ECSIT: variants seen among roughly 807,000 people sequenced by gnomAD.
ECSIT encodes ECSIT signaling integrator.
A neutral mutation model predicts 36.8 loss-of-function variants in ECSIT; 29 were observed. The observed-to-expected ratio is 0.79, with a 90% confidence interval of 0.59 to 1.08. The LOEUF (loss-of-function observed/expected upper bound fraction) is 1.08, where lower values mean the gene tolerates loss of function less well. ECSIT is among the 50% of genes least tolerant of loss of function. The probability of loss-of-function intolerance (pLI) is 0.00; values close to 1 mark genes in which losing one functional copy is unlikely to be tolerated. For synonymous variants in ECSIT, 231 were observed against 234.8 expected, an observed-to-expected ratio of 0.98 and a Z score of 0.15; for missense variants, 542 against 581.0, an observed-to-expected ratio of 0.93 and a Z score of 0.69.
intron 2 of ECSIT, among the ~76,000 whole-genome samples, chr19:11,518,812 T>C (rs561781507): frequency 6.6e-6 from 1 of 152,084 alleles, no homozygotes; most frequent in Admixed American, 6.6e-5. Context: ...GGCGGGAGGA[T>C]TGCTTGAACC....
In ECSIT at chr19:11,506,039, T is replaced by TG. The variant is rs1430646675; in HGVS notation, c.*144dup. The TG allele has an allele frequency of 7.3e-7, 1 of 1,363,394 alleles. No homozygotes were observed. Among genetic ancestry groups the TG allele is most frequent in the African/African-American group, 1.4e-5 (1 of 69,130 alleles). 84.5% of individuals were successfully genotyped at this position (1,363,394 alleles called of 1,614,324 possible). A position where few individuals can be genotyped will look rare whatever the true frequency, so the allele number is the denominator to read the frequency against. ...GCCCATCGCTGGCAGCCCGAGATCC[T>TG]GGGGAGGGGATGCCATACTGCTAGA... On this transcript the variant is annotated 3_prime_UTR_variant, in exon 8 of 8. Transcript: ENST00000270517.
At position 11,514,233 on chromosome 19, in the gene ECSIT, G is replaced by C. The variant is rs772582066; in HGVS notation, c.97-12C>G. 10 of 1,591,416 alleles carry C rather than the reference G, an allele frequency of 6.3e-6. No homozygotes were observed. The highest frequency in any genetic ancestry group is 8.5e-6 in the Non-Finnish European group (10 of 1,170,114). ...AGCCGGCGAGGGACCTGGGGAGGGA[G>C]GAGAACTGCTGGAATCTGGCACCTC... On this transcript the variant is annotated splice_polypyrimidine_tract_variant and intron_variant, in intron 2 of 7. Transcript: ENST00000270517.
At chr19:11,516,944 G>A (rs1972011321) in intron 2 of ECSIT, among the ~76,000 whole-genome samples, 1 of 152,076 alleles carries the variant, frequency 6.6e-6, no homozygotes, top group Non-Finnish European at 1.5e-5. Context: ...AATTGAGACT[G>A]GCGGGTCGAG....
chr19:11,508,383 A>ATTTTTT lies in ECSIT; in HGVS notation c.739-341_739-336dup, dbSNP rs34929827. On this transcript the variant is annotated intron_variant, in intron 4 of 7. Coordinates refer to ENST00000270517, the MANE Select transcript of ECSIT (RefSeq NM_016581.5). ...GGGATGATAACAGCACTTAATTCCG[A>ATTTTTT]TTTTTTTTTTTTTTTTAGGGATGGG... Among the ~76,000 whole-genome samples, 24 of 124,050 alleles carry ATTTTTT rather than the reference A, an allele frequency of 1.9e-4. 1 individual carries two copies. The highest frequency in any genetic ancestry group is 7.2e-4 in the African/African-American group (20 of 27,650). The allele number at this position is 124,050 out of a possible 152,430, so 81.4% of individuals were successfully genotyped here. A position where few individuals can be genotyped will look rare whatever the true frequency, so the allele number is the denominator to read the frequency against.
At chr19:11,515,127 A>G (rs182475930) in intron 2 of ECSIT, among the ~76,000 whole-genome samples, 4,418 of 139,972 alleles carry the variant, frequency 0.032, 232 homozygotes, top group African/African-American at 0.12. Context: ...TTTTTGAGAC[A>G]GAGTCTCGCT....
intron 4 of ECSIT, among the ~76,000 whole-genome samples, chr19:11,509,939 G>A (rs1217265064): frequency 2.7e-5 from 4 of 150,714 alleles, no homozygotes; most frequent in East Asian, 2.0e-4. Flanking sequence ...GCGCGATCTC[G>A]GCTCACTGCA....
chr19:11,526,558 C>G (rs1463697566), intron 1 of ECSIT, among the ~76,000 whole-genome samples: 1 of 152,114 alleles, frequency 6.6e-6, no homozygotes, highest in Admixed American at 6.6e-5. Context: ...CTCTCCTATT[C>G]AATCCATCAA....
Position 11,513,283 on chromosome 19 carries a change from T to C in ECSIT, c.515-4A>G. Reference sequence around the variant, plus strand: ...GTCTCCTTGTTGGGCATCACACCTGTGCTGGGCAGATGCAGGCAGAACCTC... The same window carrying C: ...GTCTCCTTGTTGGGCATCACACCTGCGCTGGGCAGATGCAGGCAGAACCTC... On this transcript the variant is annotated splice_polypyrimidine_tract_variant and splice_region_variant and intron_variant, in intron 3 of 7. Transcript: ENST00000270517. The C allele has an allele frequency of 6.2e-7, 1 of 1,613,394 alleles. No individual in the cohort carries two copies. Among genetic ancestry groups the C allele is most frequent in the Non-Finnish European group, 8.5e-7 (1 of 1,179,714 alleles).
At chr19:11,522,557 A>T in intron 1 of ECSIT, 1 of 672,832 alleles carries the variant, frequency 1.5e-6, no homozygotes, top group Non-Finnish European at 2.6e-6. Context: ...CGGTAAAAAA[A>T]AAAAAAATTA....
intron 1 of ECSIT, among the ~76,000 whole-genome samples, chr19:11,526,769 G>A (rs1305552752): frequency 6.7e-6 from 1 of 149,386 alleles, no homozygotes; most frequent in Non-Finnish European, 1.5e-5. Flanking sequence ...CCCCAGGCTG[G>A]AGTGCAATGG....
At chr19:11,516,917 G>A (rs1160715617) in intron 2 of ECSIT, among the ~76,000 whole-genome samples, 1 of 152,120 alleles carries the variant, frequency 6.6e-6, no homozygotes, top group East Asian at 1.9e-4. Flanking sequence ...TACTCAGGAG[G>A]CTGAAGTAGG....
Position 11,513,185 on chromosome 19 carries a change from C to G in ECSIT, c.609G>C (p.Trp203Cys), listed in dbSNP as rs1177709716. 6.2e-7 allele frequency: 1 copy of G among 1,614,166 alleles called. No individual in the cohort carries two copies. The highest frequency in any genetic ancestry group is 2.2e-5 in the East Asian group (1 of 44,866). The change falls in exon 4 of 8, where the codon TGG (tryptophan) becomes TGC (cysteine). Residue 203 changes from tryptophan to cysteine, a missense_variant. Coordinates refer to ENST00000270517, the MANE Select transcript of ECSIT (RefSeq NM_016581.5). ...PMLKLVRLKL[W>C]FPRFMNVNPF... Reference sequence around the variant, plus strand: ...GGTTGACGTTCATGAATCGAGGGAACCACAGCTTCAGGCGCACCAACTTGA... The same window carrying G: ...GGTTGACGTTCATGAATCGAGGGAAGCACAGCTTCAGGCGCACCAACTTGA...
chr19:11,509,360 A>T, intron 4 of ECSIT, among the ~76,000 whole-genome samples: 1 of 148,662 alleles, frequency 6.7e-6, no homozygotes, highest in Non-Finnish European at 1.5e-5. Flanking sequence ...GGCATAAGCC[A>T]CTGCGCCCCG....
At chr19:11,509,753 G>A (rs1470781849) in intron 4 of ECSIT, among the ~76,000 whole-genome samples, 1 of 151,878 alleles carries the variant, frequency 6.6e-6, no homozygotes, top group African/African-American at 2.4e-5. Flanking sequence ...GGGCGACAGA[G>A]CAAGGCTCTG....
intron 3 of ECSIT, 93 bp from the exon 4 acceptor site, chr19:11,513,372 T>G: frequency 9.9e-7 from 1 of 1,005,132 alleles, no homozygotes; most frequent in Non-Finnish European, 1.6e-6. Context: ...AGGGAATTGA[T>G]CACAGACAGG....
At chr19:11,509,879 T>G (rs1374140940) in intron 4 of ECSIT, among the ~76,000 whole-genome samples, 2 of 152,040 alleles carry the variant, frequency 1.3e-5, no homozygotes, top group African/African-American at 4.8e-5. Flanking sequence ...AGAAACTTTT[T>G]TTTTTTTGAG....
rs553489059 is a variant in ECSIT, at chr19:11,515,069, C to A, written c.97-848G>T. 5.3e-5 allele frequency among the ~76,000 whole-genome samples: 8 copies of A among 150,682 alleles called. No homozygotes were observed. The East Asian group carries it at 7.8e-4, about 15-fold the overall frequency. On this transcript the variant is annotated intron_variant, in intron 2 of 7. Coordinates refer to ENST00000270517, the MANE Select transcript of ECSIT (RefSeq NM_016581.5). ...GGCCAGGCTGGTCTCAAACTCCAGG[C>A]CTCAAGTGATCCACCTGCCTCAGCC...
intron 4 of ECSIT, among the ~76,000 whole-genome samples, chr19:11,509,014 C>G (rs571941256): frequency 6.6e-6 from 1 of 152,156 alleles, no homozygotes; most frequent in South Asian, 2.1e-4. Flanking sequence ...GGAAGGAATA[C>G]CTTTTTTATC....
rs187753427 is a variant in ECSIT at position 11,523,372 on chromosome 19, C to T, written c.-23-4179G>A. The T allele has an allele frequency of 3.6e-3, 1,622 of 450,202 alleles. 7 individuals carry two copies. Among genetic ancestry groups the T allele is most frequent in the Admixed American group, 7.9e-3 (230 of 29,060 alleles). 27.9% of individuals were successfully genotyped at this position (450,202 alleles called of 1,614,324 possible). A position where few individuals can be genotyped will look rare whatever the true frequency, so the allele number is the denominator to read the frequency against. Reference sequence around the variant, plus strand: ...TTAATCACCCTTTCCCTGCCACTGCCGAGTTGCGCGGAGGCGGAGGCTTGG... The same window carrying T: ...TTAATCACCCTTTCCCTGCCACTGCTGAGTTGCGCGGAGGCGGAGGCTTGG... On this transcript the variant is annotated intron_variant, in intron 1 of 7. Coordinates refer to ENST00000270517, the MANE Select transcript of ECSIT (RefSeq NM_016581.5).
Sources: allele counts gnomAD v4.1 joint callset (sites outside exome capture counted in the v4.1 genomes callset), GRCh38; gene constraint gnomAD v4.1.1; transcripts MANE v1.5; gene names NCBI Gene and HGNC (gene_info 2026-07-23, HGNC 2026-07-21).